Variants in TRIM46 observed in about 807,000 individuals in gnomAD.
The protein encoded by TRIM46 is tripartite motif containing 46.
Under a neutral mutation model 69.7 loss-of-function variants are expected in TRIM46, and 17 were observed. That is an observed-to-expected ratio of 0.24 (90% CI 0.17 to 0.37). TRIM46 has a LOEUF of 0.37. Among genes scored for constraint, TRIM46 ranks in the 10% least tolerant of loss-of-function variants. The pLI, the probability that TRIM46 is intolerant of heterozygous loss-of-function variation, is 1.00. For synonymous variants in TRIM46, 391 were observed against 429.0 expected, an observed-to-expected ratio of 0.91 and a Z score of 1.09; for missense variants, 675 against 1,025.1, an observed-to-expected ratio of 0.66 and a Z score of 4.66.
intron 1 of TRIM46, chr1:155,174,395 G>C (rs900665212): frequency 4.5e-6 from 2 of 446,110 alleles, no homozygotes; most frequent in Non-Finnish European, 5.9e-6. Flanking sequence ...GAGGACAGGT[G>C]GGGGATGATG....
At chr1:155,179,979 G>T (rs555672350) in intron 8 of TRIM46, 45 bp downstream of exon 8, 334 of 1,535,348 alleles carry the variant, frequency 2.2e-4, no homozygotes, top group Non-Finnish European at 2.5e-4. Flanking sequence ...CATGGGGTAT[G>T]CCAGGGCCTA....
In TRIM46 at chr1:155,178,044, C is replaced by A. The variant is rs756619267; in HGVS notation, c.952C>A (p.Arg318=). ...QAKEEVSQLV[R]GLGAVLEEKR... is the part of the protein sequence containing the mutation. ...CAAGGAGGAGGTGTCGCAGCTGGTG[C>A]GGGGGCTGGGGGCTGTGCTGGAGGA... The change falls in exon 6 of 10, where the codon CGG becomes AGG. Residue 318 remains arginine (R), a synonymous_variant. Coordinates refer to ENST00000334634, the MANE Select transcript of TRIM46 (RefSeq NM_025058.5). 3.1e-6 allele frequency: 5 copies of A among 1,613,652 alleles called. No individual in the cohort carries two copies. Among genetic ancestry groups the A allele is most frequent in the Non-Finnish European group, 3.4e-6 (4 of 1,179,960 alleles).
In TRIM46 at chr1:155,179,793, C is replaced by T. The variant is rs775021644; in HGVS notation, c.1447C>T (p.Arg483Trp). Residue 483 changes from arginine (R) to tryptophan (W), a missense_variant, in exon 8 of 10, where the codon CGG becomes TGG. Transcript: ENST00000334634. ...AQPGPTRWQR[R>W]EEVRGTSALL... is the part of the protein sequence containing the mutation. ...GCCAGGCCCCACCCGCTGGCAGCGG[C>T]GGGAGGAGGTGAGGGGCACCAGTGC... 3.1e-6 allele frequency: 5 copies of T among 1,612,822 alleles called. No individual in the cohort carries two copies. Among genetic ancestry groups the T allele is most frequent in the African/African-American group, 1.3e-5 (1 of 75,072 alleles).
At chr1:155,182,530 CT>C (rs1368667180) in intron 9 of TRIM46, 3 of 357,062 alleles carry the variant, frequency 8.4e-6, no homozygotes, top group Non-Finnish European at 1.5e-5. Context: ...CCAAGACCTC[CT>C]TCACCCGTAT....
chr1:155,178,662 C>A, intron 7 of TRIM46, 49 bp downstream of exon 7: 1 of 1,604,208 alleles, frequency 6.2e-7, no homozygotes, highest in Non-Finnish European at 8.5e-7. Flanking sequence ...TCTTCCCTTC[C>A]TCCCCAGCAG....
chr1:155,177,417 G>A, intron 5 of TRIM46, 127 bp downstream of exon 5: 1 of 796,804 alleles, frequency 1.3e-6, no homozygotes, highest in Admixed American at 2.2e-5. Flanking sequence ...CCAGGTTCTG[G>A]TTAAACCAGG....
chr1:155,180,349 C>A (rs1666062603), intron 8 of TRIM46: 1 of 312,920 alleles, frequency 3.2e-6, no homozygotes, highest in Non-Finnish European at 5.8e-6. Context: ...GTAATCCCAG[C>A]ACTTTGGGAG....
At position 155,184,430 on chromosome 1, in the gene TRIM46, T is replaced by A; in HGVS notation, c.*240T>A. ...TTGTTAGCCAGGCCCCCACCCCCAC[T>A]GAGTCTGCCCTATGACCTGCCTTTG... On this transcript the variant is annotated 3_prime_UTR_variant, in exon 10 of 10. Transcript: ENST00000334634. This position sits in a 1 kb window ranked among gnomAD's most constrained non-coding sequence, Gnocchi z 5.6. 3.7e-6 allele frequency: 2 copies of A among 539,746 alleles called. No homozygotes were observed. The highest frequency in any genetic ancestry group is 6.4e-5 in the East Asian group (2 of 31,030). The allele number at this position is 539,746 out of a possible 1,614,324, so 33.4% of individuals were successfully genotyped here.
At position 155,174,556 on chromosome 1, in the gene TRIM46, C is replaced by G. The variant is rs577024416; in HGVS notation, c.63+527C>G. The G allele has an allele frequency of 5.3e-5, 78 of 1,479,774 alleles. No homozygotes were observed. In the African/African-American group the frequency reaches 8.4e-4, roughly 16 times the overall value. 91.7% of individuals were successfully genotyped at this position (1,479,774 alleles called of 1,614,324 possible). A position where few individuals can be genotyped will look rare whatever the true frequency, so the allele number is the denominator to read the frequency against. On this transcript the variant is annotated intron_variant, in intron 1 of 9. Coordinates refer to ENST00000334634, the MANE Select transcript of TRIM46 (RefSeq NM_025058.5). Reference sequence around the variant, plus strand: ...GGGCGGTGCCAACCGTGTTCCCCCCCACCACTTCCTCCCCCCCTCCTTGTT... The same window carrying G: ...GGGCGGTGCCAACCGTGTTCCCCCCGACCACTTCCTCCCCCCCTCCTTGTT...
intron 5 of TRIM46, among the ~76,000 whole-genome samples, chr1:155,177,689 C>T (rs1356586996): frequency 3.3e-5 from 5 of 152,254 alleles, no homozygotes; most frequent in African/African-American, 1.2e-4. Context: ...GCATAGATGC[C>T]AGTGGACATT....
At chr1:155,176,821 G>A in intron 3 of TRIM46, 111 bp from the exon 4 acceptor site, 4 of 1,343,680 alleles carry the variant, frequency 3.0e-6, no homozygotes, top group Non-Finnish European at 4.2e-6. Flanking sequence ...ACCAGCGGAT[G>A]TCTCCACTCC....
chr1:155,174,383 C>T (rs35481827), intron 1 of TRIM46: 1 of 397,682 alleles, frequency 2.5e-6, no homozygotes, highest in Middle Eastern at 1.2e-3. Flanking sequence ...TCCAAGAAAA[C>T]TGAGGACAGG....
chr1:155,184,223 C>T lies in TRIM46; in HGVS notation c.*33C>T, dbSNP rs1365570505. The T allele has an allele frequency of 5.2e-6, 8 of 1,535,912 alleles. No individual in the cohort carries two copies. In the South Asian group the frequency reaches 8.9e-5, roughly 17 times the overall value. On this transcript the variant is annotated 3_prime_UTR_variant, in exon 10 of 10. Coordinates refer to ENST00000334634, the MANE Select transcript of TRIM46 (RefSeq NM_025058.5). The surrounding 1 kb of genome is among the most constrained non-coding windows in gnomAD (Gnocchi z 5.6). Reference sequence around the variant, plus strand: ...AGGCCCCTCATGCAGACCTGGGGTCCTCCTGGGCCCTGGCCCCCAAACCTC... The same window carrying T: ...AGGCCCCTCATGCAGACCTGGGGTCTTCCTGGGCCCTGGCCCCCAAACCTC...
Position 155,175,281 on chromosome 1 carries a change from T to G in TRIM46, c.64-105T>G. On this transcript the variant is annotated intron_variant, in intron 1 of 9. Coordinates refer to ENST00000334634, the MANE Select transcript of TRIM46 (RefSeq NM_025058.5). The surrounding 1 kb of genome is among the most constrained non-coding windows in gnomAD (Gnocchi z 4.2). ...CTCTGGAAAAGCTGCAGGTAGCTTG[T>G]CTTGCTCCTTCCTCAGACCCCTAGG... 1 of 1,563,576 alleles carries G rather than the reference T, an allele frequency of 6.4e-7. No homozygotes were observed. The highest frequency in any genetic ancestry group is 2.3e-5 in the East Asian group (1 of 44,414).
At chr1:155,177,402 G>A in intron 5 of TRIM46, 112 bp downstream of exon 5, 2 of 929,614 alleles carry the variant, frequency 2.2e-6, no homozygotes, top group Non-Finnish European at 3.4e-6. Flanking sequence ...AAGCCCGTGA[G>A]GTGTCCAGGT....
chr1:155,175,074 T>A lies in TRIM46; in HGVS notation c.64-312T>A, dbSNP rs1665528649. 7 of 1,347,566 alleles carry A rather than the reference T, an allele frequency of 5.2e-6. 1 individual carries two copies. The highest frequency in any genetic ancestry group is 6.7e-6 in the Non-Finnish European group (7 of 1,051,958). The allele number at this position is 1,347,566 out of a possible 1,614,324, so 83.5% of individuals were successfully genotyped here. A position where few individuals can be genotyped will look rare whatever the true frequency, so the allele number is the denominator to read the frequency against. On this transcript the variant is annotated intron_variant, in intron 1 of 9. Transcript: ENST00000334634. This position sits in a 1 kb window ranked among gnomAD's most constrained non-coding sequence, Gnocchi z 4.2. ...GGGCAAGCTGCCCAGAGATGGGGGA[T>A]GGAGGCAGGTGAGGGGGCTGCCAGC...
chr1:155,178,622 A>G lies in TRIM46; in HGVS notation c.1285+9A>G. On this transcript the variant is annotated intron_variant, in intron 7 of 9. Coordinates refer to ENST00000334634, the MANE Select transcript of TRIM46 (RefSeq NM_025058.5). The stretch of plus-strand genomic sequence containing the variant: ...GCTTAACTTCCTGCGAGGTAAGGAG[A>G]TGGCCAGGCCCCATGCCCAACCAGA... 1 of 1,611,742 alleles carries G rather than the reference A, an allele frequency of 6.2e-7. No individual in the cohort carries two copies. The highest frequency in any genetic ancestry group is 1.3e-5 in the African/African-American group (1 of 75,012).
chr1:155,180,798 T>A (rs1666109798), intron 8 of TRIM46, among the ~76,000 whole-genome samples: 1 of 151,490 alleles, frequency 6.6e-6, no homozygotes, highest in Admixed American at 6.6e-5. Context: ...TAATCCCAGC[T>A]ACTTGGGAGG....
At position 155,184,806 on chromosome 1, in the gene TRIM46, A is replaced by C. The variant is rs1666422736; in HGVS notation, c.*616A>C. The C allele has an allele frequency of 6.5e-6, 1 of 153,508 alleles. No individual in the cohort carries two copies. 9.5% of individuals were successfully genotyped at this position (153,508 alleles called of 1,614,324 possible). ...TGTGCCAAGTCTCCCTTGGGGACCC[A>C]GCTGAGTCTGGGTGTTCCCATTGGG... On this transcript the variant is annotated 3_prime_UTR_variant, in exon 10 of 10. Coordinates refer to ENST00000334634, the MANE Select transcript of TRIM46 (RefSeq NM_025058.5). This position sits in a 1 kb window ranked among gnomAD's most constrained non-coding sequence, Gnocchi z 5.6.
Sources: allele counts gnomAD v4.1 joint callset (sites outside exome capture counted in the v4.1 genomes callset), GRCh38; gene constraint gnomAD v4.1.1; non-coding constraint Gnocchi (gnomAD v3.1); transcripts MANE v1.5; gene names NCBI Gene and HGNC (gene_info 2026-07-23, HGNC 2026-07-21).